Variants in ANKFN1 observed in about 807,000 individuals in gnomAD.
ANKFN1 encodes ankyrin repeat and fibronectin type III domain containing 1.
A neutral mutation model predicts 108.7 loss-of-function variants in ANKFN1; 74 were observed. The ratio of observed to expected loss-of-function variants is 0.68; its 90% confidence interval spans 0.56 to 0.83. The LOEUF is 0.83. Ranked by LOEUF, ANKFN1 falls within the 40% of genes least tolerant of loss-of-function variation. The probability of loss-of-function intolerance (pLI) is 0.00; values close to 1 mark genes in which losing one functional copy is unlikely to be tolerated. For missense variants in ANKFN1, 1,505 were observed against 1,382.3 expected, an observed-to-expected ratio of 1.09 and a Z score of -1.41; for synonymous variants, 547 against 516.2, an observed-to-expected ratio of 1.06 and a Z score of -0.81.
At position 56,350,944 on chromosome 17, in the gene ANKFN1, C is replaced by T. The variant is rs2046232726; in HGVS notation, c.367C>T (p.Leu123=). The change falls in exon 5 of 21, where the codon CTG becomes TTG. Residue 123 remains leucine, a synonymous_variant. Transcript: ENST00000682825. ...EAYFRTRTDR[L]SLRKTSVNFQ... is the part of the protein sequence containing the mutation. ...CTATTTTAGGACAAGAACTGATCGG[C>T]TGAGTCTCAGGAAGACCTCGGTGGT... is the stretch of plus-strand genomic sequence containing the variant. 5 of 1,613,672 alleles carry T rather than the reference C, an allele frequency of 3.1e-6. No individual in the cohort carries two copies. The highest frequency in any genetic ancestry group is 2.2e-5 in the South Asian group (2 of 91,070).
At chr17:56,351,532 G>T (rs2046248881) in intron 5 of ANKFN1, among the ~76,000 whole-genome samples, 1 of 152,082 alleles carries the variant, frequency 6.6e-6, no homozygotes, top group South Asian at 2.1e-4. Context: ...TATAGTACCT[G>T]TACCTGAAAT....
chr17:56,130,549 A>C (rs1482666627), intron 4 of ANKFN1, among the ~76,000 whole-genome samples: 1 of 152,068 alleles, frequency 6.6e-6, no homozygotes, highest in African/African-American at 2.4e-5. Flanking sequence ...ATAAATATTT[A>C]TACTAGATCA....
intron 3 of ANKFN1, among the ~76,000 whole-genome samples, chr17:56,310,072 A>T (rs1004562867): frequency 2.7e-4 from 41 of 152,198 alleles, no homozygotes; most frequent in African/African-American, 9.7e-4. Flanking sequence ...GAGCAGATGA[A>T]ATCAATGACT....
chr17:56,093,878 TC>T (rs1271765620), intron 4 of ANKFN1, among the ~76,000 whole-genome samples: 3 of 151,398 alleles, frequency 2.0e-5, no homozygotes, highest in Non-Finnish European at 4.4e-5. Flanking sequence ...TATGTTGAAG[TC>T]CTAATCCCCA....
chr17:56,276,378 C>T (rs1018718618), intron 3 of ANKFN1, among the ~76,000 whole-genome samples: 5 of 152,024 alleles, frequency 3.3e-5, no homozygotes, highest in African/African-American at 4.8e-5. Context: ...GTAACGGGAT[C>T]GCTGGGTCAA....
intron 4 of ANKFN1, among the ~76,000 whole-genome samples, chr17:56,118,235 G>T (rs1286897473): frequency 6.6e-6 from 1 of 151,912 alleles, no homozygotes; most frequent in African/African-American, 2.4e-5. Flanking sequence ...ATTTCTTCTG[G>T]ATATACATCT....
chr17:56,220,259 A>G (rs141693842), intron 2 of ANKFN1, among the ~76,000 whole-genome samples: 5 of 152,256 alleles, frequency 3.3e-5, no homozygotes, highest in Non-Finnish European at 7.3e-5. Flanking sequence ...ATTAATGCAG[A>G]TAATAAAATG....
rs149697988 is a variant in ANKFN1, at chr17:56,167,852, G to A, written c.-71+14322G>A. 1.0e-3 allele frequency among the ~76,000 whole-genome samples: 154 copies of A among 152,226 alleles called. 1 individual carries two copies. Among genetic ancestry groups the A allele is most frequent in the African/African-American group, 3.6e-3 (148 of 41,532 alleles). On this transcript the variant is annotated intron_variant, in intron 1 of 20. Coordinates refer to ENST00000682825, the MANE Select transcript of ANKFN1 (RefSeq NM_001370326.1). ...AAGGCTCTCACTTAAGCAATTAATG[G>A]CCAACACAGAAGTGACCTATGTCAC...
At chr17:56,282,168 C>A (rs1305957153) in intron 3 of ANKFN1, among the ~76,000 whole-genome samples, 1 of 152,064 alleles carries the variant, frequency 6.6e-6, no homozygotes, top group Non-Finnish European at 1.5e-5. Context: ...CTAATACAAA[C>A]AACAGCATGG....
intron 8 of ANKFN1, among the ~76,000 whole-genome samples, chr17:56,420,359 A>G (rs776615143): frequency 6.6e-6 from 1 of 152,226 alleles, no homozygotes; most frequent in South Asian, 2.1e-4. Flanking sequence ...TATGAGGTCT[A>G]TGGCAAATAG....
chr17:56,367,164 C>T (rs894697976), intron 6 of ANKFN1, among the ~76,000 whole-genome samples: 4 of 152,008 alleles, frequency 2.6e-5, no homozygotes, highest in Admixed American at 6.6e-5. Flanking sequence ...CAAATGTGTC[C>T]GTCTTTTTCA....
chr17:56,321,381 G>A (rs2045361274), intron 3 of ANKFN1, among the ~76,000 whole-genome samples: 1 of 151,704 alleles, frequency 6.6e-6, no homozygotes. Flanking sequence ...AGGCTGGCCA[G>A]GCTCTTTGCT....
chr17:56,324,648 CTCTT>C (rs1356384640), intron 3 of ANKFN1, among the ~76,000 whole-genome samples: 1 of 152,198 alleles, frequency 6.6e-6, no homozygotes, highest in Non-Finnish European at 1.5e-5. Flanking sequence ...AGAAGCCGGA[CTCTT>C]TCTTAATCCT....
rs148296350 is a variant in ANKFN1 at position 56,269,299 on chromosome 17, A to G, written c.53+41342A>G. On this transcript the variant is annotated intron_variant, in intron 3 of 20. Transcript: ENST00000682825. ...CTCTTCCAGATAAGGTGATTGTACCATTTTAAAGTCACTCACAACCCTTCT... is the reference window on the plus strand; with the variant it reads ...CTCTTCCAGATAAGGTGATTGTACCGTTTTAAAGTCACTCACAACCCTTCT... Among the ~76,000 whole-genome samples, 279 of 152,312 alleles carry G rather than the reference A, an allele frequency of 1.8e-3. 1 individual carries two copies. The Middle Eastern group carries it at 0.024, about 13-fold the overall frequency.
At chr17:56,119,409 C>A (rs1038581274) in intron 4 of ANKFN1, among the ~76,000 whole-genome samples, 1 of 152,064 alleles carries the variant, frequency 6.6e-6, no homozygotes, top group Non-Finnish European at 1.5e-5. Context: ...GATTGAGAGG[C>A]CTGGCGGTTA....
At chr17:56,370,364 G>A (rs1000912221) in intron 6 of ANKFN1, among the ~76,000 whole-genome samples, 1 of 152,204 alleles carries the variant, frequency 6.6e-6, no homozygotes, top group African/African-American at 2.4e-5. Flanking sequence ...GCCAAGCATA[G>A]TTCAAGAGAA....
At chr17:56,174,549 T>C (rs1910957272) in intron 1 of ANKFN1, 1 of 448,428 alleles carries the variant, frequency 2.2e-6, no homozygotes, top group Non-Finnish European at 2.9e-6. Context: ...ACCATCATCT[T>C]TGGTGATTCA....
rs771176937 is a variant in ANKFN1, at chr17:56,093,871, G to A, written c.288+47546G>A. On this transcript the variant is annotated intron_variant, in intron 4 of 12. Coordinates refer to the ANKFN1 transcript ENST00000635860. ...AATTGTGCGCCCCAACCATTAGTAT[G>A]TTGAAGTCCTAATCCCCAATACCTC... is the stretch of plus-strand genomic sequence containing the variant. Among the ~76,000 whole-genome samples the A allele has an allele frequency of 1.3e-4, 20 of 151,298 alleles. 3 individuals carry two copies. The highest frequency in any genetic ancestry group is 5.3e-4 in the Admixed American group (8 of 15,170).
At chr17:56,461,053 C>A (rs151088621) in intron 14 of ANKFN1, among the ~76,000 whole-genome samples, 6 of 152,126 alleles carry the variant, frequency 3.9e-5, no homozygotes, top group Non-Finnish European at 8.8e-5. Flanking sequence ...AGTGTGGGAC[C>A]CCTGTAAGTG....
Sources: allele counts gnomAD v4.1 joint callset (sites outside exome capture counted in the v4.1 genomes callset), GRCh38; gene constraint gnomAD v4.1.1; transcripts MANE v1.5; gene names NCBI Gene and HGNC (gene_info 2026-07-23, HGNC 2026-07-21).